The following TANC2 variants were observed in gnomAD, a reference collection of about 807,000 sequenced individuals.
The protein encoded by TANC2 is tetratricopeptide repeat, ankyrin repeat and coiled-coil containing 2, also known as protein TANC2.
A neutral mutation model predicts 210.5 loss-of-function variants in TANC2; 26 were observed. The observed-to-expected ratio is 0.12, with a 90% CI of 0.09 to 0.17. TANC2 has a LOEUF of 0.17. Among genes scored for constraint, TANC2 ranks in the 10% least tolerant of loss-of-function variants. TANC2 has a pLI of 1.00. For synonymous variants in TANC2, 931 were observed against 967.1 expected (o/e 0.96, Z 0.69); for missense variants, 2,129 against 2,608.9 (o/e 0.82, Z 4.01).
At chr17:63,228,511 T>A (rs1160901531) in intron 7 of TANC2, among the ~76,000 whole-genome samples, 1 of 152,224 alleles carries the variant, frequency 6.6e-6, no homozygotes, top group African/African-American at 2.4e-5. Flanking sequence ...ATCTATAAAT[T>A]ACTTTGGGCA....
At chr17:63,144,649 A>G (rs1181221769) in intron 4 of TANC2, among the ~76,000 whole-genome samples, 5 of 152,102 alleles carry the variant, frequency 3.3e-5, no homozygotes. Flanking sequence ...GGGAAGATAG[A>G]GGGAGATGAG....
chr17:62,975,449 G>A (rs2031945258), intron 1 of TANC2, among the ~76,000 whole-genome samples: 1 of 152,078 alleles, frequency 6.6e-6, no homozygotes, highest in Non-Finnish European at 1.5e-5. Flanking sequence ...TGGGCCTATG[G>A]AATGAAGACT....
chr17:63,177,253 A>G (rs1210569975), intron 5 of TANC2, among the ~76,000 whole-genome samples: 1 of 139,350 alleles, frequency 7.2e-6, no homozygotes, highest in African/African-American at 2.8e-5. Context: ...TGACAGAGTG[A>G]GACTCTGTCT....
intron 9 of TANC2, among the ~76,000 whole-genome samples, chr17:63,297,171 C>A (rs1038407058): frequency 2.6e-5 from 4 of 152,034 alleles, no homozygotes; most frequent in Non-Finnish European, 4.4e-5. Flanking sequence ...CAACACAATC[C>A]CTAGCAAAAT....
intron 3 of TANC2, among the ~76,000 whole-genome samples, chr17:63,096,424 A>G (rs760933877): frequency 9.2e-5 from 14 of 152,218 alleles, no homozygotes; most frequent in Admixed American, 3.3e-4. Context: ...AACTAAGGTC[A>G]TGGTTGAAGA....
intron 4 of TANC2, among the ~76,000 whole-genome samples, chr17:63,123,859 G>A (rs1012841507): frequency 1.3e-5 from 2 of 150,996 alleles, no homozygotes; most frequent in East Asian, 4.0e-4. Flanking sequence ...CTGCCACCAC[G>A]CCCAGCTGAT....
At chr17:63,167,432 A>G (rs995515581) in intron 5 of TANC2, among the ~76,000 whole-genome samples, 6 of 152,170 alleles carry the variant, frequency 3.9e-5, no homozygotes, top group African/African-American at 1.4e-4. Context: ...GGTACACTAC[A>G]GTGAATGTTA....
At chr17:63,369,331 C>T (rs1195353054) in intron 14 of TANC2, among the ~76,000 whole-genome samples, 1 of 152,050 alleles carries the variant, frequency 6.6e-6, no homozygotes, top group South Asian at 2.1e-4. Flanking sequence ...GGGAATCTAT[C>T]GATGATACCA....
intron 11 of TANC2, among the ~76,000 whole-genome samples, chr17:63,327,409 A>G (rs761043723): frequency 6.6e-6 from 1 of 152,366 alleles, no homozygotes; most frequent in African/African-American, 2.4e-5. Flanking sequence ...TGTCAAAGGG[A>G]TAGCCACACG....
intron 2 of TANC2, among the ~76,000 whole-genome samples, chr17:63,070,790 C>T (rs535451838): frequency 1.3e-5 from 2 of 150,886 alleles, no homozygotes; most frequent in South Asian, 2.1e-4. Flanking sequence ...CATCCAGTAT[C>T]GAAAACCACC....
chr17:63,097,444 G>A (rs1395065817), intron 3 of TANC2, among the ~76,000 whole-genome samples: 1 of 152,002 alleles, frequency 6.6e-6, no homozygotes, highest in African/African-American at 2.4e-5. Context: ...ACTGCAATTA[G>A]TTTTGCACCA....
At chr17:63,055,046 A>C (rs905552927) in intron 2 of TANC2, among the ~76,000 whole-genome samples, 1 of 152,186 alleles carries the variant, frequency 6.6e-6, no homozygotes, top group Non-Finnish European at 1.5e-5. Context: ...TTATTTTTCA[A>C]CCGTCATGTT....
intron 1 of TANC2, among the ~76,000 whole-genome samples, chr17:63,005,348 T>C (rs2033571316): frequency 6.6e-6 from 1 of 152,144 alleles, no homozygotes; most frequent in African/African-American, 2.4e-5. Context: ...GAAAGAGCTG[T>C]AGAGTAAATT....
Position 63,299,534 on chromosome 17 carries a change from C to CT in TANC2, c.1160-14837dup, listed in dbSNP as rs201041332. On this transcript the variant is annotated intron_variant, in intron 9 of 27. Transcript: ENST00000689528. ...TTCTCTAATGGTCAGTGATGTTAAG[C>CT]TTTTTTTTTTTTTTTTTGTATGCTT... is the stretch of plus-strand genomic sequence containing the variant. Among the ~76,000 whole-genome samples, 1,225 of 126,506 alleles carry CT rather than the reference C, an allele frequency of 9.7e-3. 4 individuals carry two copies. The highest frequency in any genetic ancestry group is 0.023 in the East Asian group (96 of 4,266). 83.0% of individuals were successfully genotyped at this position (126,506 alleles called of 152,430 possible).
intron 1 of TANC2, among the ~76,000 whole-genome samples, chr17:62,991,435 G>A (rs1215130395): frequency 4.6e-5 from 7 of 151,876 alleles, no homozygotes; most frequent in South Asian, 2.1e-4. Context: ...TCAGGAGATC[G>A]AGACCATCAT....
At chr17:63,423,941 A>G (rs1263693408) in exon 28 of TANC2, 1 of 152,254 alleles carries the variant, frequency 6.6e-6, no homozygotes, top group African/African-American at 2.4e-5. Flanking sequence ...CACATCAGGA[A>G]GATGAAATGT....
intron 5 of TANC2, among the ~76,000 whole-genome samples, chr17:63,188,797 C>T (rs988151665): frequency 1.3e-5 from 2 of 151,624 alleles, no homozygotes; most frequent in African/African-American, 4.9e-5. Flanking sequence ...ATTCACATAC[C>T]AAAAAATACA....
chr17:63,302,300 A>T (rs901170040), intron 9 of TANC2, among the ~76,000 whole-genome samples: 1 of 151,528 alleles, frequency 6.6e-6, no homozygotes, highest in African/African-American at 2.4e-5. Context: ...CGTCCACTTG[A>T]TCCAGAGCTG....
intron 11 of TANC2, among the ~76,000 whole-genome samples, chr17:63,339,450 T>C (rs1046830343): frequency 6.6e-6 from 1 of 152,164 alleles, no homozygotes; most frequent in Non-Finnish European, 1.5e-5. Flanking sequence ...GTATTAATGC[T>C]TATAAATTTT....
Sources: allele counts gnomAD v4.1 joint callset (sites outside exome capture counted in the v4.1 genomes callset), GRCh38; gene constraint gnomAD v4.1.1; transcripts MANE v1.5; gene names NCBI Gene and HGNC (gene_info 2026-07-23, HGNC 2026-07-21).